Variants in CTSB observed in about 807,000 individuals in gnomAD.
CTSB encodes APP secretase.
A neutral mutation model predicts 44.3 loss-of-function variants in CTSB; 57 were observed. That is an observed-to-expected ratio of 1.29 (90% CI 1.04 to 1.60). The LOEUF is 1.60. CTSB is among the 40% of genes most tolerant of loss of function. CTSB has a pLI of 0.00. For missense variants in CTSB, 768 were observed against 443.0 expected (o/e 1.73, Z -6.59); for synonymous variants, 320 against 168.0 (o/e 1.91, Z -7.00).
intron 1 of CTSB, among the ~76,000 whole-genome samples, chr8:11,857,540 C>G (rs1320001008): frequency 1.3e-5 from 2 of 152,102 alleles, no homozygotes; most frequent in Non-Finnish European, 2.9e-5. Flanking sequence ...TCCATGGCAA[C>G]TTGAATTTTA....
intron 1 of CTSB, among the ~76,000 whole-genome samples, chr8:11,864,183 C>T (rs1008351007): frequency 2.0e-5 from 3 of 151,914 alleles, no homozygotes; most frequent in Admixed American, 2.0e-4. Context: ...TTTAAAAGTA[C>T]AAAAAGGCCT....
intron 1 of CTSB, among the ~76,000 whole-genome samples, chr8:11,862,064 A>G (rs1586193150): frequency 6.6e-6 from 1 of 152,070 alleles, no homozygotes; most frequent in Non-Finnish European, 1.5e-5. Context: ...AAAAATAGCC[A>G]GGCATGGTGG....
intron 1 of CTSB, among the ~76,000 whole-genome samples, chr8:11,854,133 C>G (rs146868955): frequency 6.6e-6 from 1 of 152,324 alleles, no homozygotes; most frequent in African/African-American, 2.4e-5. Context: ...GAGTCACAAG[C>G]CAGTGCTTTC....
At chr8:11,849,753 G>A (rs895224064) in intron 4 of CTSB, among the ~76,000 whole-genome samples, 1 of 151,940 alleles carries the variant, frequency 6.6e-6, no homozygotes, top group African/African-American at 2.4e-5. Flanking sequence ...GCTAAGTTTT[G>A]TCTTTTTAGT....
chr8:11,852,938 C>G (rs760352810), intron 2 of CTSB, among the ~76,000 whole-genome samples: 1 of 152,180 alleles, frequency 6.6e-6, no homozygotes, highest in African/African-American at 2.4e-5. Context: ...GCTCACTCCT[C>G]ATTCTTGGTT....
chr8:11,843,925 G>C lies in CTSB; in HGVS notation c.*1200C>G, dbSNP rs189008750. Reference sequence around the variant, plus strand: ...TGAGTGCCTGTCATCCCAGCTACTCGGAAGGCTGAAGCAGGAGAATCGCTT... The same window carrying C: ...TGAGTGCCTGTCATCCCAGCTACTCCGAAGGCTGAAGCAGGAGAATCGCTT... On this transcript the variant is annotated 3_prime_UTR_variant, in exon 10 of 10. Transcript: ENST00000353047. The C allele has an allele frequency of 6.6e-6, 1 of 152,212 alleles. No individual in the cohort carries two copies. Among genetic ancestry groups the C allele is most frequent in the Non-Finnish European group, 1.5e-5 (1 of 68,062 alleles). 9.4% of individuals were successfully genotyped at this position (152,212 alleles called of 1,614,324 possible).
At chr8:11,856,786 A>T (rs1159292517) in intron 1 of CTSB, among the ~76,000 whole-genome samples, 1 of 152,054 alleles carries the variant, frequency 6.6e-6, no homozygotes, top group Non-Finnish European at 1.5e-5. Context: ...GCAAAATGCC[A>T]AGGAAGATGC....
intron 1 of CTSB, among the ~76,000 whole-genome samples, chr8:11,866,987 T>C (rs1389032280): frequency 6.6e-6 from 1 of 152,168 alleles, no homozygotes; most frequent in East Asian, 1.9e-4. Context: ...AGGTCTGCAT[T>C]TGAACCCCAC....
chr8:11,848,055 G>C lies in CTSB; in HGVS notation c.532+12C>G. 6.2e-7 allele frequency: 1 copy of C among 1,600,492 alleles called. No individual in the cohort carries two copies. Among genetic ancestry groups the C allele is most frequent in the Non-Finnish European group, 8.5e-7 (1 of 1,170,188 alleles). ...CCATCTGGCCAGAAAGTGGCCAAGG[G>C]GACACACTTACCTACATGGGATTCA... is the stretch of plus-strand genomic sequence containing the variant. On this transcript the variant is annotated intron_variant, in intron 6 of 9. Coordinates refer to ENST00000353047, the MANE Select transcript of CTSB (RefSeq NM_001908.5).
chr8:11,845,452 C>A (rs913164399), intron 9 of CTSB, among the ~76,000 whole-genome samples: 2 of 152,216 alleles, frequency 1.3e-5, no homozygotes, highest in Non-Finnish European at 2.9e-5. Flanking sequence ...GCTGTGGGAA[C>A]TGTTGCAGGC....
At position 11,846,149 on chromosome 8, in the gene CTSB, G is replaced by A. The variant is rs113175746; in HGVS notation, c.794-360C>T. 1.8e-4 allele frequency: 29 copies of A among 161,236 alleles called. 1 individual carries two copies. The highest frequency in any genetic ancestry group is 5.8e-4 in the Admixed American group (9 of 15,432). 10.0% of individuals were successfully genotyped at this position (161,236 alleles called of 1,614,324 possible). A position where few individuals can be genotyped will look rare whatever the true frequency, so the allele number is the denominator to read the frequency against. On this transcript the variant is annotated intron_variant, in intron 8 of 9. Transcript: ENST00000353047. ...ATGTAAGTAAGGGTTTGTCAAAAGC[G>A]TTACACGGCTTAAAGAGTTTTAATA...
At chr8:11,860,018 G>C (rs1000333869) in intron 1 of CTSB, among the ~76,000 whole-genome samples, 4 of 151,770 alleles carry the variant, frequency 2.6e-5, no homozygotes, top group Non-Finnish European at 4.4e-5. Flanking sequence ...GTTGCAGTGA[G>C]CCAAGATCAC....
intron 9 of CTSB, among the ~76,000 whole-genome samples, 167 bp from the exon 10 acceptor site, chr8:11,845,389 C>T (rs1813095800): frequency 6.6e-6 from 1 of 152,226 alleles, no homozygotes; most frequent in South Asian, 2.1e-4. Context: ...GGCACACCTC[C>T]ACGGGCAAGC....
At chr8:11,865,708 A>G (rs1043322131) in intron 1 of CTSB, 2 of 151,802 alleles carry the variant, frequency 1.3e-5, no homozygotes, top group African/African-American at 4.8e-5. Flanking sequence ...ACTCATTACC[A>G]GATTTAAGAA....
chr8:11,861,321 A>C (rs1232748998), intron 1 of CTSB: 1 of 152,344 alleles, frequency 6.6e-6, no homozygotes, highest in Non-Finnish European at 1.5e-5. Flanking sequence ...GCTTCCAGGG[A>C]ACCAGGGGAA....
At chr8:11,849,581 T>C (rs1379411788) in intron 4 of CTSB, 3 of 151,062 alleles carry the variant, frequency 2.0e-5, no homozygotes, top group African/African-American at 7.3e-5. Context: ...TGTGTGTGGT[T>C]TTTTTTTTTT....
Position 11,844,989 on chromosome 8 carries a change from G to T in CTSB, c.*136C>A. On this transcript the variant is annotated 3_prime_UTR_variant, in exon 10 of 10. Coordinates refer to ENST00000353047, the MANE Select transcript of CTSB (RefSeq NM_001908.5). ...ATGTAGCCAGGACTTGGTCTCCTTG[G>T]AAGACAGGTCTGATGTTTGGCCAAT... The T allele has an allele frequency of 1.5e-6, 1 of 653,234 alleles. No individual in the cohort carries two copies. The highest frequency in any genetic ancestry group is 1.8e-5 in the South Asian group (1 of 55,956). 40.5% of individuals were successfully genotyped at this position (653,234 alleles called of 1,614,324 possible).
In CTSB at chr8:11,868,006, GCTGCAGCCGAGAGC is replaced by G. The variant is rs1337754104; in HGVS notation, c.-45_-32del. The G allele has an allele frequency of 1.3e-5, 2 of 152,112 alleles. No homozygotes were observed. Among genetic ancestry groups the G allele is most frequent in the East Asian group, 3.9e-4 (2 of 5,190 alleles). The allele number at this position is 152,112 out of a possible 1,614,324, so 9.4% of individuals were successfully genotyped here. ...CCCGGGTCCCCAGCACTCACCCAGC[GCTGCAGCCGAGAGC>G]CTGCAGCCCAGCCTGCGCGCAGCGG... On this transcript the variant is annotated 5_prime_UTR_variant, in exon 1 of 10. Coordinates refer to ENST00000353047, the MANE Select transcript of CTSB (RefSeq NM_001908.5).
chr8:11,845,242 T>A lies in CTSB; in HGVS notation c.923-20A>T. ...AGAAGCCTGGGAATAAAAAGTAAGG[T>A]GCTTTTAAAGTGTGACAAGGGTCAA... On this transcript the variant is annotated intron_variant, in intron 9 of 9. Transcript: ENST00000353047. The A allele has an allele frequency of 6.3e-7, 1 of 1,584,378 alleles. No homozygotes were observed. Among genetic ancestry groups the A allele is most frequent in the South Asian group, 1.1e-5 (1 of 90,184 alleles).
Sources: allele counts gnomAD v4.1 joint callset (sites outside exome capture counted in the v4.1 genomes callset), GRCh38; gene constraint gnomAD v4.1.1; transcripts MANE v1.5; gene names NCBI Gene and HGNC (gene_info 2026-07-23, HGNC 2026-07-21).